Variants in MYOM3 observed in about 807,000 individuals in gnomAD.
The protein encoded by MYOM3 is myomesin 3, also known as myomesin-3.
MYOM3 carries 155 observed loss-of-function variants against 191.7 expected under a neutral mutation model. The observed-to-expected ratio is 0.81, with a 90% CI of 0.71 to 0.92. The LOEUF is 0.92. Among genes scored for constraint, MYOM3 ranks in the 40% least tolerant of loss-of-function variants. The pLI is 0.00. For missense variants in MYOM3, 1,889 were observed against 1,890.6 expected (o/e 1.00, Z 0.02); for synonymous variants, 757 against 762.9 (o/e 0.99, Z 0.13).
In MYOM3 at chr1:24,066,915, A is replaced by G. The variant is rs901905570; in HGVS notation, c.3423+106T>C. 1.1e-5 allele frequency: 11 copies of G among 1,018,076 alleles called. No individual in the cohort carries two copies. The African/African-American group carries it at 1.8e-4, about 17-fold the overall frequency. The allele number at this position is 1,018,076 out of a possible 1,614,324, so 63.1% of individuals were successfully genotyped here. Reference sequence around the variant, plus strand: ...TGTGTGTGCGATCAGCCAAGCACAGAGTATGGAATTTAGGGGGCCGGGTGG... The same window carrying G: ...TGTGTGTGCGATCAGCCAAGCACAGGGTATGGAATTTAGGGGGCCGGGTGG... On this transcript the variant is annotated intron_variant, in intron 28 of 36. Transcript: ENST00000374434.
chr1:24,061,725 A>G (rs1213932002), intron 33 of MYOM3, among the ~76,000 whole-genome samples: 1 of 151,922 alleles, frequency 6.6e-6, no homozygotes, highest in African/African-American at 2.4e-5. Context: ...GAATATAGGC[A>G]GGCGTCACCA....
chr1:24,067,293 T>C lies in MYOM3; in HGVS notation c.3356-205A>G, dbSNP rs1557602251. On this transcript the variant is annotated intron_variant, in intron 27 of 36. Coordinates refer to ENST00000374434, the MANE Select transcript of MYOM3 (RefSeq NM_152372.4). ...CTTTCTTTCTTCCTTCCTTTCTTTCTTTCTTTCTTTCCTTCTTTCTTTCTT... is the reference window on the plus strand; with the variant it reads ...CTTTCTTTCTTCCTTCCTTTCTTTCCTTCTTTCTTTCCTTCTTTCTTTCTT... Among the ~76,000 whole-genome samples, 61 of 132,938 alleles carry C rather than the reference T, an allele frequency of 4.6e-4. No individual in the cohort carries two copies. The South Asian group carries it at 0.015, about 33-fold the overall frequency. 87.2% of individuals were successfully genotyped at this position (132,938 alleles called of 152,430 possible). A position where few individuals can be genotyped will look rare whatever the true frequency, so the allele number is the denominator to read the frequency against.
chr1:24,062,969 G>A (rs1401048574), intron 32 of MYOM3, among the ~76,000 whole-genome samples, 157 bp downstream of exon 32: 1 of 152,014 alleles, frequency 6.6e-6, no homozygotes, highest in Non-Finnish European at 1.5e-5. Context: ...AGACCAGGAA[G>A]AGACTCTGTC....
Position 24,108,041 on chromosome 1 carries a change from T to A in MYOM3, c.194A>T (p.Tyr65Phe). 6.2e-7 allele frequency: 1 copy of A among 1,613,742 alleles called. No individual in the cohort carries two copies. Among genetic ancestry groups the A allele is most frequent in the Non-Finnish European group, 8.5e-7 (1 of 1,179,822 alleles). ...EEEHEFSAAD[Y>F]ALAAALALTA... ...CAGAGCCAGGGCTGCTGCCAGGGCG[T>A]AGTCCGCGGCGCTGAACTCATGCTC... The change falls in exon 3 of 37, where the codon TAC becomes TTC. Residue 65 changes from tyrosine (Y) to phenylalanine (F), a missense_variant. Tyr to Phe is a conservative substitution (Grantham distance 22, BLOSUM62 3). Coordinates refer to ENST00000374434, the MANE Select transcript of MYOM3 (RefSeq NM_152372.4).
chr1:24,084,285 T>C lies in MYOM3; in HGVS notation c.1970+183A>G, dbSNP rs1424952981. ...CTGCTCCCGCCATGTAAGACATGCT[T>C]CCTTCCCCCTCGCCTTCCGCCATAA... On this transcript the variant is annotated intron_variant, in intron 16 of 36. Coordinates refer to ENST00000374434, the MANE Select transcript of MYOM3 (RefSeq NM_152372.4). 4.8e-6 allele frequency: 3 copies of C among 625,366 alleles called. No individual in the cohort carries two copies. The South Asian group carries it at 5.9e-5, about 12-fold the overall frequency. 38.7% of individuals were successfully genotyped at this position (625,366 alleles called of 1,614,324 possible).
intron 35 of MYOM3, among the ~76,000 whole-genome samples, chr1:24,060,246 C>T (rs1372360578): frequency 1.3e-5 from 2 of 152,172 alleles, no homozygotes; most frequent in East Asian, 1.9e-4. Flanking sequence ...CGCCCCTCAG[C>T]CCCCTGCAGG....
At position 24,106,081 on chromosome 1, in the gene MYOM3, G is replaced by A. The variant is rs377615219; in HGVS notation, c.403-4C>T. 6.2e-7 allele frequency: 1 copy of A among 1,605,910 alleles called. No homozygotes were observed. The highest frequency in any genetic ancestry group is 1.1e-5 in the South Asian group (1 of 90,238). On this transcript the variant is annotated splice_region_variant and splice_polypyrimidine_tract_variant and intron_variant, in intron 4 of 36. Coordinates refer to ENST00000374434, the MANE Select transcript of MYOM3 (RefSeq NM_152372.4). The stretch of plus-strand genomic sequence containing the variant: ...CCTCCTGGACCTTCTCCTCTGTCTG[G>A]AGGCGGGAAGAGGTGTATGACGCTG...
chr1:24,060,236 C>G (rs1296614508), intron 35 of MYOM3, among the ~76,000 whole-genome samples: 6 of 152,154 alleles, frequency 3.9e-5, no homozygotes, highest in African/African-American at 1.4e-4. Context: ...TCCACCGAGG[C>G]GCCCCTCAGC....
intron 5 of MYOM3, among the ~76,000 whole-genome samples, chr1:24,104,995 C>T (rs1009858156): frequency 3.3e-5 from 5 of 152,228 alleles, no homozygotes; most frequent in Non-Finnish European, 7.3e-5. Context: ...ATGTGAATGA[C>T]ACGTCTCCTT....
intron 29 of MYOM3, among the ~76,000 whole-genome samples, chr1:24,064,962 G>A (rs1156811872): frequency 2.6e-5 from 4 of 152,156 alleles, no homozygotes; most frequent in Admixed American, 1.3e-4. Flanking sequence ...TTATGTCTTT[G>A]CATTGAAACA....
chr1:24,057,476 T>C lies in MYOM3; in HGVS notation c.4202A>G (p.Asp1401Gly), dbSNP rs1316761275. Residue 1401 changes from aspartate to glycine, a missense_variant, in exon 37 of 37, where the codon GAC (aspartate) becomes GGC (glycine). Coordinates refer to ENST00000374434, the MANE Select transcript of MYOM3 (RefSeq NM_152372.4). ...TITIEKVNSEDSGRYGVFVKN... is the reference protein window; with the variant it reads ...TITIEKVNSEGSGRYGVFVKN... ...GACGAAGACGCCGTAGCGGCCGCTG[T>C]CTTCACTGTTGACCTTCTCAATGGT... 6.2e-7 allele frequency: 1 copy of C among 1,614,244 alleles called. No homozygotes were observed. Among genetic ancestry groups the C allele is most frequent in the South Asian group, 1.1e-5 (1 of 91,090 alleles).
chr1:24,085,190 A>C (rs1643722019), intron 15 of MYOM3, among the ~76,000 whole-genome samples: 2 of 150,846 alleles, frequency 1.3e-5, no homozygotes, highest in African/African-American at 5.0e-5. Context: ...AAATGGATGG[A>C]TGGATGGATG....
intron 16 of MYOM3, 45 bp downstream of exon 16, chr1:24,084,422 CT>C (rs777057230): frequency 6.2e-7 from 1 of 1,600,260 alleles, no homozygotes; most frequent in African/African-American, 1.3e-5. Context: ...TCAGGTATGT[CT>C]TTATAGCAGT....
At position 24,084,484 on chromosome 1, in the gene MYOM3, G is replaced by A. The variant is rs1333528078; in HGVS notation, c.1954C>T (p.Pro652Ser). Residue 652 changes from proline (P) to serine (S), a missense_variant, in exon 16 of 37, where the codon CCC becomes TCC. Coordinates refer to ENST00000374434, the MANE Select transcript of MYOM3 (RefSeq NM_152372.4). ...CAGACGTACCTGGTGCCTTGGATGG[G>A]TTTGTTGTTAACTGTTTGCCACTCA... The part of the protein sequence containing the change: ...TSEWQTVNNK[P>S]IQGTRFTVPG... 1.2e-6 allele frequency: 2 copies of A among 1,614,066 alleles called. No individual in the cohort carries two copies. The highest frequency in any genetic ancestry group is 1.7e-6 in the Non-Finnish European group (2 of 1,180,056).
chr1:24,086,623 C>T (rs774618688), intron 15 of MYOM3, 21 bp downstream of exon 15: 16 of 1,607,772 alleles, frequency 1.0e-5, no homozygotes, highest in South Asian at 4.4e-5. Context: ...TCCTCCCCGA[C>T]CCCCGGCATC....
intron 18 of MYOM3, 164 bp from the exon 19 acceptor site, chr1:24,081,620 T>C (rs1036658573): frequency 1.6e-5 from 13 of 798,592 alleles, no homozygotes; most frequent in Non-Finnish European, 2.2e-5. Flanking sequence ...TGGAGTGCAG[T>C]GGCATGAACA....
chr1:24,108,213 AAAGC>A (rs764798248), intron 2 of MYOM3, 140 bp from the exon 3 acceptor site: 1 of 843,732 alleles, frequency 1.2e-6, no homozygotes, highest in Non-Finnish European at 1.8e-6. Context: ...GGGGTCTCAG[AAAGC>A]AAGGCTGCAT....
rs541959363 is a variant in MYOM3, at chr1:24,108,046, C to T, written c.189G>A (p.Ala63=). The T allele has an allele frequency of 2.8e-5, 45 of 1,613,774 alleles. No homozygotes were observed. Among genetic ancestry groups the T allele is most frequent in the South Asian group, 2.4e-4 (22 of 91,068 alleles). Residue 63 remains alanine (A), a synonymous_variant, in exon 3 of 37, where the codon GCG becomes GCA. Transcript: ENST00000374434. ...CCAGGGCTGCTGCCAGGGCGTAGTC[C>T]GCGGCGCTGAACTCATGCTCTTCTT... ...SSEEEHEFSA[A]DYALAAALAL... is the part of the protein sequence containing the mutation.
intron 20 of MYOM3, among the ~76,000 whole-genome samples, chr1:24,079,058 A>G (rs1302951445): frequency 6.6e-6 from 1 of 152,180 alleles, no homozygotes; most frequent in Non-Finnish European, 1.5e-5. Context: ...ATCTGCATAC[A>G]TGTTTATTTA....
Sources: allele counts gnomAD v4.1 joint callset (sites outside exome capture counted in the v4.1 genomes callset), GRCh38; gene constraint gnomAD v4.1.1; transcripts MANE v1.5; gene names NCBI Gene and HGNC (gene_info 2026-07-23, HGNC 2026-07-21).